BCKDK: variants seen among roughly 807,000 people sequenced by gnomAD.
BCKDK encodes the protein branched chain keto acid dehydrogenase kinase.
A neutral mutation model predicts 43.9 loss-of-function variants in BCKDK; 28 were observed. That is an observed-to-expected ratio of 0.64 (90% CI 0.47 to 0.87). The LOEUF (loss-of-function observed/expected upper bound fraction) is 0.87. BCKDK is among the 40% of genes least tolerant of loss of function. The pLI is 0.00. For synonymous variants in BCKDK, 257 were observed against 234.3 expected (o/e 1.10, Z -0.88); for missense variants, 483 against 581.4 (o/e 0.83, Z 1.74).
Position 31,110,927 on chromosome 16 carries a change from G to T in BCKDK, c.717-164G>T. 1 of 1,342,622 alleles carries T rather than the reference G, an allele frequency of 7.4e-7. No homozygotes were observed. The highest frequency in any genetic ancestry group is 2.1e-5 in the Admixed American group (1 of 48,522). 83.2% of individuals were successfully genotyped at this position (1,342,622 alleles called of 1,614,324 possible). ...TTGTCACAGGGGCTGCCCCGTGCAC[G>T]TTAGGAAGTTCAGCAGCATCCCTGG... is the stretch of plus-strand genomic sequence containing the variant. On this transcript the variant is annotated intron_variant, in intron 8 of 11. Transcript: ENST00000219794. The surrounding 1 kb of genome is among the most constrained non-coding windows in gnomAD (Gnocchi z 5.4).
In BCKDK at chr16:31,108,478, C is replaced by A. The variant is rs2057382772; in HGVS notation, c.-179C>A. ...GACCCGGGCCCTGGCTCCGGCCCCG[C>A]GGTAAGTGGGGCGACCCCAGCCTAC... On this transcript the variant is annotated splice_region_variant and 5_prime_UTR_variant, in exon 1 of 12. Transcript: ENST00000219794. This position sits in a 1 kb window ranked among gnomAD's most constrained non-coding sequence, Gnocchi z 6.2. The A allele has an allele frequency of 6.6e-6, 1 of 152,190 alleles. No homozygotes were observed. The highest frequency in any genetic ancestry group is 2.1e-4 in the South Asian group (1 of 4,834). 9.4% of individuals were successfully genotyped at this position (152,190 alleles called of 1,614,324 possible). A position where few individuals can be genotyped will look rare whatever the true frequency, so the allele number is the denominator to read the frequency against.
chr16:31,117,598 T>A, downstream of BCKDK: 1 of 1,167,478 alleles, frequency 8.6e-7, no homozygotes, highest in South Asian at 2.1e-5. Flanking sequence ...CCCTCAAACC[T>A]TGAGGAGCCC....
downstream of BCKDK, chr16:31,117,625 AC>A: frequency 7.6e-7 from 1 of 1,318,936 alleles, no homozygotes. Context: ...CGCACTGCTG[AC>A]CCGGAGCCAA....
chr16:31,115,601 A>C (rs1242952815), downstream of BCKDK, among the ~76,000 whole-genome samples: 2 of 150,584 alleles, frequency 1.3e-5, no homozygotes, highest in Admixed American at 1.3e-4. Flanking sequence ...ATTATAGCTC[A>C]CTCAGCCTCG....
Position 31,110,539 on chromosome 16 carries a change from G to A in BCKDK, c.642+40G>A, listed in dbSNP as rs768073750. On this transcript the variant is annotated intron_variant, in intron 7 of 11. Coordinates refer to ENST00000219794, the MANE Select transcript of BCKDK (RefSeq NM_005881.4). This position sits in a 1 kb window ranked among gnomAD's most constrained non-coding sequence, Gnocchi z 5.4. ...CCTGAGACCCACCTGGGAACATTAA[G>A]TGAGACAGAGGAGACTGGGCTGGGG... The A allele has an allele frequency of 6.2e-7, 1 of 1,607,582 alleles. No individual in the cohort carries two copies. Among genetic ancestry groups the A allele is most frequent in the Non-Finnish European group, 8.5e-7 (1 of 1,174,488 alleles).
chr16:31,112,478 A>C lies in BCKDK; in HGVS notation c.*213A>C. ...CAGAACTTGGAGCAGGGAAGTGGGCACCCTGAGGCCTCCAGCACCAGTTCC... is the reference window on the plus strand; with the variant it reads ...CAGAACTTGGAGCAGGGAAGTGGGCCCCCTGAGGCCTCCAGCACCAGTTCC... On this transcript the variant is annotated 3_prime_UTR_variant, in exon 12 of 12. Transcript: ENST00000219794. This position sits in a 1 kb window ranked among gnomAD's most constrained non-coding sequence, Gnocchi z 5.0. 1.4e-6 allele frequency: 1 copy of C among 733,034 alleles called. No individual in the cohort carries two copies. Among genetic ancestry groups the C allele is most frequent in the Non-Finnish European group, 2.3e-6 (1 of 429,858 alleles). 45.4% of individuals were successfully genotyped at this position (733,034 alleles called of 1,614,324 possible).
At chr16:31,111,729 C>A in intron 10 of BCKDK, 140 bp from the exon 11 acceptor site, 1 of 1,150,272 alleles carries the variant, frequency 8.7e-7, no homozygotes, top group Non-Finnish European at 1.3e-6. Flanking sequence ...ATGATATAAA[C>A]AAGGCCCAAG....
chr16:31,110,029 G>A lies in BCKDK; in HGVS notation c.376-48G>A, dbSNP rs564838932. The A allele has an allele frequency of 6.2e-7, 1 of 1,613,470 alleles. No homozygotes were observed. The highest frequency in any genetic ancestry group is 2.2e-5 in the East Asian group (1 of 44,884). ...GGGTAGGTGGGGGTGGCTGTTCTCT[G>A]CTCAGTGCCCATGCGGCTTTGTGAA... On this transcript the variant is annotated intron_variant, in intron 4 of 11. Coordinates refer to ENST00000219794, the MANE Select transcript of BCKDK (RefSeq NM_005881.4). This position sits in a 1 kb window ranked among gnomAD's most constrained non-coding sequence, Gnocchi z 5.4.
downstream of BCKDK, among the ~76,000 whole-genome samples, chr16:31,114,056 A>C (rs2057432299): frequency 6.6e-6 from 1 of 152,196 alleles, no homozygotes; most frequent in Non-Finnish European, 1.5e-5. Flanking sequence ...CAGCTCTATT[A>C]ACCTAAGGAT....
downstream of BCKDK, chr16:31,117,398 A>G (rs117585595): frequency 4.7e-5 from 11 of 234,266 alleles, no homozygotes; most frequent in East Asian, 4.2e-4. Flanking sequence ...ATAAATAAAT[A>G]AATTAAAAAA....
chr16:31,110,393 CTT>C lies in BCKDK; in HGVS notation c.544-6_544-5del, dbSNP rs1405960211. ...GGGCACGGGATTCTGAGACCTCACT[CTT>C]TACAGGATGAAAAGCTCGTCCGCTA... On this transcript the variant is annotated splice_region_variant and splice_polypyrimidine_tract_variant and intron_variant, in intron 6 of 11. Coordinates refer to ENST00000219794, the MANE Select transcript of BCKDK (RefSeq NM_005881.4). This position sits in a 1 kb window ranked among gnomAD's most constrained non-coding sequence, Gnocchi z 5.4. 1.2e-6 allele frequency: 2 copies of C among 1,613,918 alleles called. No individual in the cohort carries two copies. Among genetic ancestry groups the C allele is most frequent in the Non-Finnish European group, 1.7e-6 (2 of 1,180,036 alleles).
rs2057405824 is a variant in BCKDK at position 31,110,836 on chromosome 16, G to A, written c.716+75G>A. The A allele has an allele frequency of 4.6e-6, 7 of 1,526,178 alleles. No individual in the cohort carries two copies. The highest frequency in any genetic ancestry group is 6.4e-6 in the Non-Finnish European group (7 of 1,101,836). 94.5% of individuals were successfully genotyped at this position (1,526,178 alleles called of 1,614,324 possible). On this transcript the variant is annotated intron_variant, in intron 8 of 11. Coordinates refer to ENST00000219794, the MANE Select transcript of BCKDK (RefSeq NM_005881.4). The surrounding 1 kb of genome is among the most constrained non-coding windows in gnomAD (Gnocchi z 5.4). ...GCTTGGGTCTGAGCCCTTGCCCGGG[G>A]CATGATCTGCGGGGAGCAGGGTTTC... is the stretch of plus-strand genomic sequence containing the variant.
At chr16:31,117,428 C>T (rs2057455161), downstream of BCKDK, 1 of 369,260 alleles carries the variant, frequency 2.7e-6, no homozygotes, top group Non-Finnish European at 4.7e-6. Flanking sequence ...TGAGTCATCG[C>T]ATGAGGTAAG....
chr16:31,114,455 T>C (rs11647442), downstream of BCKDK, among the ~76,000 whole-genome samples: 88,541 of 151,692 alleles, frequency 0.58, 26,733 homozygotes, highest in South Asian at 0.82. Context: ...TCGTGATCCA[T>C]CCACCTCAGC....
In BCKDK at chr16:31,112,364, G is replaced by GC. The variant is rs764295756; in HGVS notation, c.*100dup. On this transcript the variant is annotated 3_prime_UTR_variant, in exon 12 of 12. Coordinates refer to ENST00000219794, the MANE Select transcript of BCKDK (RefSeq NM_005881.4). The surrounding 1 kb of genome is among the most constrained non-coding windows in gnomAD (Gnocchi z 5.0). The stretch of plus-strand genomic sequence containing the variant: ...GCGGCCCCCTGCTCCACACACTGCT[G>GC]CATCTTGGGTCTCAGGGACCCAGAC... The GC allele has an allele frequency of 2.6e-5, 40 of 1,558,792 alleles. No homozygotes were observed. Among genetic ancestry groups the GC allele is most frequent in the African/African-American group, 1.4e-5 (1 of 73,996 alleles).
rs1432003125 is a variant in BCKDK, at chr16:31,108,388, C to G, written c.-269C>G. 1 of 152,244 alleles carries G rather than the reference C, an allele frequency of 6.6e-6. No homozygotes were observed. The highest frequency in any genetic ancestry group is 1.9e-4 in the East Asian group (1 of 5,196). 9.4% of individuals were successfully genotyped at this position (152,244 alleles called of 1,614,324 possible). A position where few individuals can be genotyped will look rare whatever the true frequency, so the allele number is the denominator to read the frequency against. Reference sequence around the variant, plus strand: ...GCGGGCGCTGCCGCCCACGCGACGTCACGGCGGCGGAGGGCGCAGGCGGCT... The same window carrying G: ...GCGGGCGCTGCCGCCCACGCGACGTGACGGCGGCGGAGGGCGCAGGCGGCT... On this transcript the variant is annotated 5_prime_UTR_variant, in exon 1 of 12. Transcript: ENST00000219794. The surrounding 1 kb of genome is among the most constrained non-coding windows in gnomAD (Gnocchi z 6.2).
chr16:31,109,964 G>A lies in BCKDK; in HGVS notation c.376-113G>A. The A allele has an allele frequency of 6.7e-7, 1 of 1,494,108 alleles. No homozygotes were observed. The highest frequency in any genetic ancestry group is 9.3e-7 in the Non-Finnish European group (1 of 1,073,428). The allele number at this position is 1,494,108 out of a possible 1,614,324, so 92.6% of individuals were successfully genotyped here. The stretch of plus-strand genomic sequence containing the variant: ...GGAGCCTGGAAGGGTCGAAGTGGGG[G>A]TTTGATCACGTGGTCGACCAGCTGG... On this transcript the variant is annotated intron_variant, in intron 4 of 11. Transcript: ENST00000219794. The surrounding 1 kb of genome is among the most constrained non-coding windows in gnomAD (Gnocchi z 5.3).
chr16:31,109,856 T>G lies in BCKDK; in HGVS notation c.375+73T>G. 1 of 1,510,404 alleles carries G rather than the reference T, an allele frequency of 6.6e-7. No individual in the cohort carries two copies. The highest frequency in any genetic ancestry group is 1.1e-5 in the South Asian group (1 of 88,296). 93.6% of individuals were successfully genotyped at this position (1,510,404 alleles called of 1,614,324 possible). A position where few individuals can be genotyped will look rare whatever the true frequency, so the allele number is the denominator to read the frequency against. ...CAAGTGGGGAGTCTGGGGCCCAGAG[T>G]GGCAGACGATTGCTTGCCTAAAGGT... On this transcript the variant is annotated intron_variant, in intron 4 of 11. Transcript: ENST00000219794. This position sits in a 1 kb window ranked among gnomAD's most constrained non-coding sequence, Gnocchi z 5.3.
Position 31,110,564 on chromosome 16 carries a change from G to T in BCKDK, c.642+65G>T. The T allele has an allele frequency of 2.5e-6, 4 of 1,600,050 alleles. No homozygotes were observed. The highest frequency in any genetic ancestry group is 3.4e-6 in the Non-Finnish European group (4 of 1,167,900). ...GTGAGACAGAGGAGACTGGGCTGGG[G>T]ATCCGGGTCAAGGGCCTGGGGGCTG... On this transcript the variant is annotated intron_variant, in intron 7 of 11. Transcript: ENST00000219794. The surrounding 1 kb of genome is among the most constrained non-coding windows in gnomAD (Gnocchi z 5.4).
Sources: allele counts gnomAD v4.1 joint callset (sites outside exome capture counted in the v4.1 genomes callset), GRCh38; gene constraint gnomAD v4.1.1; non-coding constraint Gnocchi (gnomAD v3.1); transcripts MANE v1.5; gene names NCBI Gene and HGNC (gene_info 2026-07-23, HGNC 2026-07-21).